HELZ: variants seen among roughly 807,000 people sequenced by gnomAD.
The protein encoded by HELZ is ATP-dependent RNA helicase with zinc finger domain.
HELZ carries 23 observed loss-of-function variants against 218.2 expected under a neutral mutation model. The observed-to-expected ratio is 0.11, with a 90% CI of 0.08 to 0.15. HELZ has a LOEUF of 0.15. Ranked by LOEUF, HELZ falls within the 10% of genes least tolerant of loss-of-function variation. The pLI, the probability that HELZ is intolerant of heterozygous loss-of-function variation, is 1.00. For synonymous variants in HELZ, 814 were observed against 829.4 expected (o/e 0.98, Z 0.32); for missense variants, 1,813 against 2,353.7 (o/e 0.77, Z 4.75).
At chr17:67,127,095 C>T (rs1281434849) in intron 24 of HELZ, among the ~76,000 whole-genome samples, 1 of 152,144 alleles carries the variant, frequency 6.6e-6, no homozygotes, top group African/African-American at 2.4e-5. Flanking sequence ...GCTTATCTTC[C>T]AGTTTTTGAC....
At position 67,178,718 on chromosome 17, in the gene HELZ, C is replaced by G; in HGVS notation, c.1371G>C (p.Gln457His). 1 of 1,613,836 alleles carries G rather than the reference C, an allele frequency of 6.2e-7. No homozygotes were observed. The highest frequency in any genetic ancestry group is 8.5e-7 in the Non-Finnish European group (1 of 1,179,822). Residue 457 changes from glutamine (Q) to histidine (H), a missense_variant, in exon 13 of 33, where the codon CAG (glutamine) becomes CAC (histidine). Transcript: ENST00000358691. ...LDKSLTKSNY[Q>H]SRLHDLLYIE... ...TATAAAGAAGGTCATGTAACCGTGACTGATAGTTGCTCTTGGTCAATGATT... is the reference window on the plus strand; with the variant it reads ...TATAAAGAAGGTCATGTAACCGTGAGTGATAGTTGCTCTTGGTCAATGATT...
chr17:67,102,634 GCACAT>G (rs778716021), intron 31 of HELZ, among the ~76,000 whole-genome samples: 2 of 152,168 alleles, frequency 1.3e-5, no homozygotes, highest in East Asian at 1.9e-4. Flanking sequence ...TAAACAGCAA[GCACAT>G]CAATCATTCA....
chr17:67,107,068 G>A, intron 31 of HELZ, 101 bp downstream of exon 31: 2 of 1,123,252 alleles, frequency 1.8e-6, no homozygotes, highest in Non-Finnish European at 2.6e-6. Flanking sequence ...TTAATACGCT[G>A]TTAAATTCAA....
intron 5 of HELZ, among the ~76,000 whole-genome samples, chr17:67,212,039 T>A (rs751194919): frequency 1.3e-5 from 2 of 151,590 alleles, no homozygotes; most frequent in Non-Finnish European, 2.9e-5. Flanking sequence ...GAATGCAAAT[T>A]AATAGCCTGA....
chr17:67,101,832 C>G lies in HELZ; in HGVS notation c.5241+5337G>C, dbSNP rs947581028. ...GACAGGAAGACAACTGGCTAAACGT[C>G]TAGAGAAAATGTAAACACTAATCCC... is the stretch of plus-strand genomic sequence containing the variant. On this transcript the variant is annotated intron_variant, in intron 31 of 32. Coordinates refer to ENST00000358691, the MANE Select transcript of HELZ (RefSeq NM_014877.4). Among the ~76,000 whole-genome samples the G allele has an allele frequency of 2.0e-5, 3 of 152,170 alleles. No homozygotes were observed. In the East Asian group the frequency reaches 5.8e-4, roughly 29 times the overall value.
chr17:67,087,074 G>A lies in HELZ; in HGVS notation c.5249C>T (p.Pro1750Leu). The A allele has an allele frequency of 1.2e-6, 2 of 1,613,812 alleles. No homozygotes were observed. The highest frequency in any genetic ancestry group is 1.1e-5 in the South Asian group (1 of 91,068). Reference sequence around the variant, plus strand: ...GTACAAGGGCCGACCAGGTCCTCTGGGCTCATACTACACAAAGAAAAAGAA... The same window carrying A: ...GTACAAGGGCCGACCAGGTCCTCTGAGCTCATACTACACAAAGAAAAAGAA... Reference protein sequence around the residue: ...SSLPSLEEYEPRGPGRPLYQR... With the variant: ...SSLPSLEEYELRGPGRPLYQR... The change falls in exon 32 of 33, where the codon CCC (proline) becomes CTC (leucine). Residue 1750 changes from proline to leucine, a missense_variant. Physicochemically the swap from Pro to Leu is moderately conservative, Grantham distance 98 (BLOSUM62 -3). Coordinates refer to ENST00000358691, the MANE Select transcript of HELZ (RefSeq NM_014877.4).
rs1036781658 is a variant in HELZ at position 67,072,663 on chromosome 17, G to A, written c.*5589C>T. ...GCAGTGCAGACCCCAGCAGGGGTGA[G>A]AGTGAGGAGGGGTGGTGGCCAATCC... On this transcript the variant is annotated 3_prime_UTR_variant, in exon 33 of 33. Transcript: ENST00000358691. The A allele has an allele frequency of 2.0e-5, 3 of 152,266 alleles. No homozygotes were observed. Among genetic ancestry groups the A allele is most frequent in the Non-Finnish European group, 2.9e-5 (2 of 68,070 alleles). 9.4% of individuals were successfully genotyped at this position (152,266 alleles called of 1,614,324 possible).
At chr17:67,099,215 G>A (rs949938866) in intron 31 of HELZ, among the ~76,000 whole-genome samples, 1 of 151,222 alleles carries the variant, frequency 6.6e-6, no homozygotes, top group Non-Finnish European at 1.5e-5. Flanking sequence ...GTTCTGTTTC[G>A]GGAAGTGAGT....
chr17:67,156,068 G>C (rs1009399638), intron 17 of HELZ, among the ~76,000 whole-genome samples: 1 of 149,168 alleles, frequency 6.7e-6, no homozygotes, highest in African/African-American at 2.5e-5. Context: ...AAAAGAAACT[G>C]CTAAAAAAGT....
At chr17:67,179,291 A>T (rs910528698) in intron 12 of HELZ, among the ~76,000 whole-genome samples, 47 of 152,322 alleles carry the variant, frequency 3.1e-4, no homozygotes, top group Non-Finnish European at 6.5e-4. Context: ...TTATCAGATG[A>T]TAATCACTTT....
At chr17:67,228,887 T>G (rs2040963734) in intron 3 of HELZ, among the ~76,000 whole-genome samples, 1 of 152,002 alleles carries the variant, frequency 6.6e-6, no homozygotes, top group Non-Finnish European at 1.5e-5. Context: ...CCAGGCTAAT[T>G]TTGTATTTTT....
At chr17:67,101,832 C>A (rs947581028) in intron 31 of HELZ, among the ~76,000 whole-genome samples, 1 of 152,170 alleles carries the variant, frequency 6.6e-6, no homozygotes, top group African/African-American at 2.4e-5. Flanking sequence ...GGCTAAACGT[C>A]TAGAGAAAAT....
intron 27 of HELZ, among the ~76,000 whole-genome samples, chr17:67,116,039 G>GA: frequency 6.6e-6 from 1 of 152,060 alleles, no homozygotes; most frequent in Non-Finnish European, 1.5e-5. Flanking sequence ...GGCTAGGAGA[G>GA]AAAAAATAGC....
chr17:67,179,006 T>C, intron 12 of HELZ, 80 bp from the exon 13 acceptor site: 1 of 926,218 alleles, frequency 1.1e-6, no homozygotes, highest in South Asian at 1.9e-5. Context: ...TTAACTATAT[T>C]ACATATTTTT....
intron 32 of HELZ, among the ~76,000 whole-genome samples, chr17:67,084,802 G>A (rs2036313313): frequency 6.6e-6 from 1 of 152,090 alleles, no homozygotes; most frequent in African/African-American, 2.4e-5. Flanking sequence ...ATTCAAATAT[G>A]ATAACATGAG....
chr17:67,131,398 G>T (rs970407096), intron 23 of HELZ, among the ~76,000 whole-genome samples: 1 of 152,140 alleles, frequency 6.6e-6, no homozygotes, highest in Non-Finnish European at 1.5e-5. Context: ...CTGGAGCTTG[G>T]TGACAGTCTT....
At chr17:67,106,398 C>G (rs1317220606) in intron 31 of HELZ, among the ~76,000 whole-genome samples, 1 of 151,486 alleles carries the variant, frequency 6.6e-6, no homozygotes, top group Non-Finnish European at 1.5e-5. Context: ...AGCTCAGCCT[C>G]CCGGGTTCAC....
Position 67,221,333 on chromosome 17 carries a change from AACT to A in HELZ, c.-18-2514_-18-2512del, listed in dbSNP as rs2040740016. Among the ~76,000 whole-genome samples the A allele has an allele frequency of 2.6e-5, 4 of 152,284 alleles. No homozygotes were observed. In the South Asian group the frequency reaches 8.3e-4, roughly 32 times the overall value. On this transcript the variant is annotated intron_variant, in intron 3 of 32. Coordinates refer to ENST00000358691, the MANE Select transcript of HELZ (RefSeq NM_014877.4). The stretch of plus-strand genomic sequence containing the variant: ...GAAGGCAAAATCAGCTCTAGTTGAG[AACT>A]ACTAATATAGACAAGCATACACTGC...
chr17:67,223,870 T>C (rs1406665719), intron 3 of HELZ, among the ~76,000 whole-genome samples: 4 of 152,234 alleles, frequency 2.6e-5, no homozygotes, highest in Admixed American at 1.3e-4. Context: ...GCAAGAAAGC[T>C]GAAATCAGAA....
Sources: allele counts gnomAD v4.1 joint callset (sites outside exome capture counted in the v4.1 genomes callset), GRCh38; gene constraint gnomAD v4.1.1; transcripts MANE v1.5; gene names NCBI Gene and HGNC (gene_info 2026-07-23, HGNC 2026-07-21).